Variants in RPL13 observed in about 807,000 individuals in gnomAD.
RPL13 encodes the protein ribosomal protein L13.
RPL13 carries 1 observed loss-of-function variant against 21.4 expected under a neutral mutation model. The ratio of observed to expected loss-of-function variants is 0.05; its 90% CI spans 0.02 to 0.22. The LOEUF (loss-of-function observed/expected upper bound fraction) is 0.22. Ranked by LOEUF, RPL13 falls within the 10% of genes least tolerant of loss-of-function variation. The probability of loss-of-function intolerance (pLI) is 1.00; values close to 1 mark genes in which losing one functional copy is unlikely to be tolerated. For synonymous variants in RPL13, 143 were observed against 120.5 expected, an observed-to-expected ratio of 1.19 and a Z score of -1.23; for missense variants, 289 against 303.0, an observed-to-expected ratio of 0.95 and a Z score of 0.34.
At chr16:89,562,465 G>T (rs1222241458) in intron 5 of RPL13, 74 bp downstream of exon 5, 1 of 1,415,612 alleles carries the variant, frequency 7.1e-7, no homozygotes, top group Non-Finnish European at 9.8e-7. Context: ...TGAGATGCGG[G>T]TGATGGGGGT....
chr16:89,566,049 G>C (rs1271438050), downstream of RPL13: 2 of 152,248 alleles, frequency 1.3e-5, no homozygotes, highest in South Asian at 4.1e-4. Context: ...TGTCGCCCCC[G>C]GGGAGCACGG....
At position 89,563,950 on chromosome 16, in the gene RPL13, C is replaced by A. The variant is rs983834143; in HGVS notation, c.*908C>A. On this transcript the variant is annotated 3_prime_UTR_variant, in exon 6 of 6. Coordinates refer to ENST00000311528, the MANE Select transcript of RPL13 (RefSeq NM_000977.4). Reference sequence around the variant, plus strand: ...CATTCTAAAGCCATTGTTCTTGCTTCATGGACAAGAGGCAGCCAGAGAGAG... The same window carrying A: ...CATTCTAAAGCCATTGTTCTTGCTTAATGGACAAGAGGCAGCCAGAGAGAG... 1.3e-5 allele frequency: 2 copies of A among 152,226 alleles called. No individual in the cohort carries two copies. Among genetic ancestry groups the A allele is most frequent in the Non-Finnish European group, 2.9e-5 (2 of 68,044 alleles). 9.4% of individuals were successfully genotyped at this position (152,226 alleles called of 1,614,324 possible).
chr16:89,562,478 G>C, intron 5 of RPL13, 87 bp downstream of exon 5: 1 of 1,329,704 alleles, frequency 7.5e-7, no homozygotes, highest in Non-Finnish European at 1.0e-6. Context: ...ATGGGGGTCA[G>C]GCTTAAGAAC....
Position 89,560,698 on chromosome 16 carries a change from T to G in RPL13, c.-35T>G. 2.4e-6 allele frequency: 1 copy of G among 408,726 alleles called. No homozygotes were observed. 25.3% of individuals were successfully genotyped at this position (408,726 alleles called of 1,614,324 possible). A position where few individuals can be genotyped will look rare whatever the true frequency, so the allele number is the denominator to read the frequency against. Reference sequence around the variant, plus strand: ...GGCCGCTTCCTTTCCGCTCGGCTGTTTTCCTGCGCAGGAGGTGAGGGAGAC... The same window carrying G: ...GGCCGCTTCCTTTCCGCTCGGCTGTGTTCCTGCGCAGGAGGTGAGGGAGAC... On this transcript the variant is annotated 5_prime_UTR_variant, in exon 1 of 6. Coordinates refer to ENST00000311528, the MANE Select transcript of RPL13 (RefSeq NM_000977.4).
At position 89,562,391 on chromosome 16, in the gene RPL13, C is replaced by A. The variant is rs199902221; in HGVS notation, c.477C>A (p.Asn159Lys). Residue 159 changes from asparagine to lysine, a missense_variant and splice_region_variant, in exon 5 of 6, where the codon AAC (asparagine) becomes AAA (lysine). Transcript: ENST00000311528. ...CCGGACCGGTCATGCCCGTCCGGAACGTAAGTGAACACTTACTCAAATCCA... is the reference window on the plus strand; with the variant it reads ...CCGGACCGGTCATGCCCGTCCGGAAAGTAAGTGAACACTTACTCAAATCCA... Reference protein sequence around the residue: ...QLTGPVMPVRNVYKKEKARVI... With the variant: ...QLTGPVMPVRKVYKKEKARVI... 2 of 1,610,744 alleles carry A rather than the reference C, an allele frequency of 1.2e-6. No individual in the cohort carries two copies. The highest frequency in any genetic ancestry group is 1.7e-6 in the Non-Finnish European group (2 of 1,179,346).
chr16:89,563,183 C>A lies in RPL13; in HGVS notation c.*141C>A. The A allele has an allele frequency of 3.9e-6, 3 of 761,240 alleles. No homozygotes were observed. Among genetic ancestry groups the A allele is most frequent in the Non-Finnish European group, 5.8e-6 (3 of 518,910 alleles). The allele number at this position is 761,240 out of a possible 1,614,324, so 47.2% of individuals were successfully genotyped here. A position where few individuals can be genotyped will look rare whatever the true frequency, so the allele number is the denominator to read the frequency against. On this transcript the variant is annotated 3_prime_UTR_variant, in exon 6 of 6. Transcript: ENST00000311528. ...GGGGATTTGGGGCTTTCTTGAAAGA[C>A]AGTCCAAGCCCTGGATAATGCTTTA...
chr16:89,562,947 A>T lies in RPL13; in HGVS notation c.541A>T (p.Ser181Cys), dbSNP rs917275334. 8 of 1,600,190 alleles carry T rather than the reference A, an allele frequency of 5.0e-6. No homozygotes were observed. Among genetic ancestry groups the T allele is most frequent in the Non-Finnish European group, 6.8e-6 (8 of 1,174,368 alleles). ...EEEKNFKAFA[S>C]LRMARANARL... ...AGAGAAGAATTTCAAAGCCTTCGCT[A>T]GTCTCCGTATGGCCCGTGCCAACGC... Residue 181 changes from serine (S) to cysteine (C), a missense_variant, in exon 6 of 6, where the codon AGT becomes TGT. Physicochemically the swap from Ser to Cys is moderately radical, Grantham distance 112. Transcript: ENST00000311528.
At chr16:89,565,145 T>G (rs1404412456), downstream of RPL13, 1 of 152,332 alleles carries the variant, frequency 6.6e-6, no homozygotes, top group Non-Finnish European at 1.5e-5. Flanking sequence ...CTCCGTTTGC[T>G]TAATCTATTA....
In RPL13 at chr16:89,560,682, C is replaced by T. The variant is rs371060264; in HGVS notation, c.-51C>T. 1.1e-3 allele frequency: 411 copies of T among 381,176 alleles called. 1 individual carries two copies. The highest frequency in any genetic ancestry group is 4.2e-3 in the Middle Eastern group (6 of 1,438). The allele number at this position is 381,176 out of a possible 1,614,324, so 23.6% of individuals were successfully genotyped here. A position where few individuals can be genotyped will look rare whatever the true frequency, so the allele number is the denominator to read the frequency against. On this transcript the variant is annotated 5_prime_UTR_variant, in exon 1 of 6. Coordinates refer to ENST00000311528, the MANE Select transcript of RPL13 (RefSeq NM_000977.4). ...CCAGAGTGCATTGCGGGGCCGCTTC[C>T]TTTCCGCTCGGCTGTTTTCCTGCGC...
rs748436227 is a variant in RPL13, at chr16:89,563,079, G to C, written c.*37G>C. ...GGACTTGGAATCAGTCGGCAGTCAT[G>C]CTGGGTCTCCACGTGGTGTGTTTCG... On this transcript the variant is annotated 3_prime_UTR_variant, in exon 6 of 6. Coordinates refer to ENST00000311528, the MANE Select transcript of RPL13 (RefSeq NM_000977.4). The C allele has an allele frequency of 6.8e-7, 1 of 1,462,852 alleles. No individual in the cohort carries two copies. Among genetic ancestry groups the C allele is most frequent in the Non-Finnish European group, 9.1e-7 (1 of 1,102,394 alleles). The allele number at this position is 1,462,852 out of a possible 1,614,324, so 90.6% of individuals were successfully genotyped here.
rs112979797 is a variant in RPL13 at position 89,562,277 on chromosome 16, G to A, written c.421-58G>A. Reference sequence around the variant, plus strand: ...AGGGGAAAGTTTGGGGCCAGGTGAGGGTGGAGTCCTTGCAGCAGTGCGGCC... The same window carrying A: ...AGGGGAAAGTTTGGGGCCAGGTGAGAGTGGAGTCCTTGCAGCAGTGCGGCC... On this transcript the variant is annotated intron_variant, in intron 4 of 5. Coordinates refer to ENST00000311528, the MANE Select transcript of RPL13 (RefSeq NM_000977.4). The A allele has an allele frequency of 2.5e-5, 39 of 1,550,930 alleles. No individual in the cohort carries two copies. The African/African-American group carries it at 4.1e-4, about 16-fold the overall frequency.
In RPL13 at chr16:89,561,236, C is replaced by T. The variant is rs1310335752; in HGVS notation, c.114C>T (p.Ala38=). The T allele has an allele frequency of 3.9e-6, 6 of 1,546,414 alleles. No homozygotes were observed. The highest frequency in any genetic ancestry group is 3.5e-6 in the Non-Finnish European group (4 of 1,151,094). ...CGCTTCTCTCCACCAGACGTAAGGC[C>T]CGGCAAGCCAAGGCGCGCCGCATCG... ...QPARKIRRRK[A]RQAKARRIAP... The change falls in exon 3 of 6, where the codon GCC becomes GCT. Residue 38 remains alanine (A), a synonymous_variant. Coordinates refer to ENST00000311528, the MANE Select transcript of RPL13 (RefSeq NM_000977.4).
At position 89,563,276 on chromosome 16, in the gene RPL13, G is replaced by C; in HGVS notation, c.*234G>C. The C allele has an allele frequency of 2.8e-6, 1 of 352,842 alleles. No individual in the cohort carries two copies. The highest frequency in any genetic ancestry group is 1.1e-4 in the South Asian group (1 of 9,162). The allele number at this position is 352,842 out of a possible 1,614,324, so 21.9% of individuals were successfully genotyped here. ...ATGTAAAACGGTTTTCTTGTGGGGA[G>C]GTTACAGAGGCTGACTTCAGAGTGG... is the stretch of plus-strand genomic sequence containing the variant. On this transcript the variant is annotated 3_prime_UTR_variant, in exon 6 of 6. Coordinates refer to ENST00000311528, the MANE Select transcript of RPL13 (RefSeq NM_000977.4).
chr16:89,565,545 T>G (rs1201223475), downstream of RPL13: 1 of 150,216 alleles, frequency 6.7e-6, no homozygotes, highest in Non-Finnish European at 1.5e-5. Context: ...TTGTTTTAAC[T>G]TAGTCCCTGG....
In RPL13 at chr16:89,561,277, C is replaced by G. The variant is rs1331971439; in HGVS notation, c.155C>G (p.Ser52Trp). Residue 52 changes from serine to tryptophan, a missense_variant, in exon 3 of 6, where the codon TCG (serine) becomes TGG (tryptophan). Ser to Trp is a radical substitution (Grantham distance 177). Coordinates refer to ENST00000311528, the MANE Select transcript of RPL13 (RefSeq NM_000977.4). ...KARRIAPRPASGPIRPIVRCP... is the reference protein window; with the variant it reads ...KARRIAPRPAWGPIRPIVRCP... ...CGCCGCATCGCCCCGCGCCCCGCGT[C>G]GGGTCCCATCCGGCCCATCGTGCGC... 5 of 1,561,310 alleles carry G rather than the reference C, an allele frequency of 3.2e-6. No homozygotes were observed. Among genetic ancestry groups the G allele is most frequent in the Non-Finnish European group, 4.3e-6 (5 of 1,158,534 alleles).
rs1038254540 is a variant in RPL13 at position 89,563,739 on chromosome 16, T to C, written c.*697T>C. ...CCTGCACCCAACCTAGAGTTGCCTT[T>C]TTTAAGCAAAGCAGTTTCTAGTTAA... On this transcript the variant is annotated 3_prime_UTR_variant, in exon 6 of 6. Coordinates refer to ENST00000311528, the MANE Select transcript of RPL13 (RefSeq NM_000977.4). The C allele has an allele frequency of 9.9e-5, 15 of 152,196 alleles. No homozygotes were observed. The highest frequency in any genetic ancestry group is 3.1e-4 in the African/African-American group (13 of 41,438). 9.4% of individuals were successfully genotyped at this position (152,196 alleles called of 1,614,324 possible).
chr16:89,563,317 T>C lies in RPL13; in HGVS notation c.*275T>C. ...TTCAGAGTGGACTTGTGTTTTTTCT[T>C]TTTAAAGAGGCAAGGTTGGGCTGGT... On this transcript the variant is annotated 3_prime_UTR_variant, in exon 6 of 6. Transcript: ENST00000311528. 1 of 252,338 alleles carries C rather than the reference T, an allele frequency of 4.0e-6. No individual in the cohort carries two copies. 15.6% of individuals were successfully genotyped at this position (252,338 alleles called of 1,614,324 possible). A position where few individuals can be genotyped will look rare whatever the true frequency, so the allele number is the denominator to read the frequency against.
chr16:89,563,546 C>T lies in RPL13; in HGVS notation c.*504C>T, dbSNP rs917967517. On this transcript the variant is annotated 3_prime_UTR_variant, in exon 6 of 6. Coordinates refer to ENST00000311528, the MANE Select transcript of RPL13 (RefSeq NM_000977.4). ...TGAGCCAGGATCACGCCACTGCACT[C>T]TAGCCTGGGCAACAGTGAGACTGTC... 4 of 151,722 alleles carry T rather than the reference C, an allele frequency of 2.6e-5. No individual in the cohort carries two copies. Among genetic ancestry groups the T allele is most frequent in the African/African-American group, 7.3e-5 (3 of 41,226 alleles). The allele number at this position is 151,722 out of a possible 1,614,324, so 9.4% of individuals were successfully genotyped here. A position where few individuals can be genotyped will look rare whatever the true frequency, so the allele number is the denominator to read the frequency against.
chr16:89,561,335 C>T lies in RPL13; in HGVS notation c.213C>T (p.Arg71=). The change falls in exon 3 of 6, where the codon CGC becomes CGT. Residue 71 remains arginine (R), a synonymous_variant. Coordinates refer to ENST00000311528, the MANE Select transcript of RPL13 (RefSeq NM_000977.4). ...CGGTTCGGTACCACACGAAGGTGCG[C>T]GCCGGCCGCGGCTTCAGCCTGGAGG... The part of the protein sequence containing the change: ...CPTVRYHTKV[R]AGRGFSLEEL... 1 of 1,599,478 alleles carries T rather than the reference C, an allele frequency of 6.3e-7. No individual in the cohort carries two copies. The highest frequency in any genetic ancestry group is 1.1e-5 in the South Asian group (1 of 90,298).
Sources: gnomAD v4.1 joint callset for allele counts on GRCh38, gnomAD v4.1.1 for gene constraint, MANE v1.5 for transcripts, NCBI Gene and HGNC (gene_info 2026-07-23, HGNC 2026-07-21) for gene names.